The following HACD4 variants were observed in gnomAD, a reference collection of about 807,000 sequenced individuals.
The protein encoded by HACD4 is 3-hydroxyacyl-CoA dehydratase 4.
In HACD4, 35 loss-of-function variants were observed where a neutral mutation model predicts 33.3. The ratio of observed to expected loss-of-function variants is 1.05; its 90% CI spans 0.80 to 1.39. The LOEUF is 1.39. Among genes scored for constraint, HACD4 ranks in the 40% most tolerant of loss-of-function variants. The pLI is 0.00. For synonymous variants in HACD4, 118 were observed against 98.0 expected (o/e 1.20, Z -1.21); for missense variants, 323 against 276.5 (o/e 1.17, Z -1.19).
intron 3 of HACD4, among the ~76,000 whole-genome samples, chr9:21,026,344 C>T (rs1249728214): frequency 1.3e-5 from 2 of 152,218 alleles, no homozygotes; most frequent in Non-Finnish European, 2.9e-5. Context: ...CAAGTGGCTA[C>T]GAAATCTCCT....
At chr9:21,028,362 T>G (rs188350291) in intron 2 of HACD4, among the ~76,000 whole-genome samples, 48 of 152,314 alleles carry the variant, frequency 3.2e-4, no homozygotes, top group Admixed American at 1.2e-3. Context: ...TCCCATCACC[T>G]GTGTTTTCCT....
At chr9:21,019,799 C>A (rs1223826012) in intron 3 of HACD4, among the ~76,000 whole-genome samples, 1 of 152,066 alleles carries the variant, frequency 6.6e-6, no homozygotes, top group African/African-American at 2.4e-5. Flanking sequence ...AGTTTCTTCT[C>A]TAACAATATA....
At chr9:21,020,884 AT>A (rs1417394763) in intron 3 of HACD4, among the ~76,000 whole-genome samples, 4 of 152,232 alleles carry the variant, frequency 2.6e-5, no homozygotes, top group Non-Finnish European at 5.9e-5. Flanking sequence ...CTTTTAGTCA[AT>A]GGGTTTTTTC....
intron 1 of HACD4, 107 bp downstream of exon 1, chr9:21,031,446 G>C (rs1818217288): frequency 1.5e-6 from 2 of 1,347,462 alleles, no homozygotes; most frequent in Non-Finnish European, 1.9e-6. Context: ...GCTGCGCCTT[G>C]CTGGCGGGCG....
intron 4 of HACD4, among the ~76,000 whole-genome samples, chr9:21,014,174 A>C (rs1323809698): frequency 6.6e-6 from 1 of 152,128 alleles, no homozygotes; most frequent in East Asian, 1.9e-4. Context: ...CATTTTACAG[A>C]GGAAAAAAAA....
In HACD4 at chr9:21,002,516, T is replaced by G. The variant is rs931168839; in HGVS notation, c.*4521A>C. On this transcript the variant is annotated 3_prime_UTR_variant, in exon 7 of 7. Coordinates refer to ENST00000495827, the MANE Select transcript of HACD4 (RefSeq NM_001010915.5). Reference sequence around the variant, plus strand: ...GAGGTACTTAGAGCAATCAAAATCATAGAGACAAAAAGTAGACTGGTGGTT... The same window carrying G: ...GAGGTACTTAGAGCAATCAAAATCAGAGAGACAAAAAGTAGACTGGTGGTT... 6.6e-6 allele frequency: 1 copy of G among 152,054 alleles called. No individual in the cohort carries two copies. The highest frequency in any genetic ancestry group is 2.4e-5 in the African/African-American group (1 of 41,412). The allele number at this position is 152,054 out of a possible 1,614,324, so 9.4% of individuals were successfully genotyped here. A position where few individuals can be genotyped will look rare whatever the true frequency, so the allele number is the denominator to read the frequency against.
intron 3 of HACD4, among the ~76,000 whole-genome samples, chr9:21,025,646 A>T (rs1818042695): frequency 6.6e-6 from 1 of 152,190 alleles, no homozygotes; most frequent in African/African-American, 2.4e-5. Flanking sequence ...AATTTACAGA[A>T]AATCTTTATT....
intron 3 of HACD4, among the ~76,000 whole-genome samples, chr9:21,018,807 C>T (rs1302291430): frequency 7.4e-6 from 1 of 134,382 alleles, no homozygotes; most frequent in Non-Finnish European, 1.6e-5. Flanking sequence ...AATAAAAATG[C>T]TGGGCATTTT....
At chr9:21,010,754 C>G (rs980439421) in intron 5 of HACD4, among the ~76,000 whole-genome samples, 2 of 152,038 alleles carry the variant, frequency 1.3e-5, no homozygotes, top group African/African-American at 4.8e-5. Context: ...GAGCCCTGAG[C>G]TTATTTTCCT....
chr9:21,028,090 G>A (rs1311809524), intron 2 of HACD4, among the ~76,000 whole-genome samples: 2 of 133,666 alleles, frequency 1.5e-5, no homozygotes, highest in East Asian at 2.3e-4. Context: ...AGGTGACATC[G>A]TACCATTGCA....
intron 5 of HACD4, among the ~76,000 whole-genome samples, chr9:21,008,828 G>T (rs1842338229): frequency 6.6e-6 from 1 of 152,042 alleles, no homozygotes; most frequent in Admixed American, 6.6e-5. Context: ...TTATCATTAG[G>T]GTAAGCTGGG....
intron 4 of HACD4, 26 bp downstream of exon 4, chr9:21,015,872 T>A: frequency 6.8e-7 from 1 of 1,476,760 alleles, no homozygotes; most frequent in Admixed American, 1.7e-5. Flanking sequence ...TTAGCCTTGT[T>A]TTAAGAGATT....
Position 21,004,814 on chromosome 9 carries a change from A to G in HACD4, c.*2223T>C, listed in dbSNP as rs1474241905. On this transcript the variant is annotated 3_prime_UTR_variant, in exon 7 of 7. Coordinates refer to ENST00000495827, the MANE Select transcript of HACD4 (RefSeq NM_001010915.5). The surrounding 1 kb of genome is among the most constrained non-coding windows in gnomAD (Gnocchi z 4.6). ...GCAGCTTTGACGTTAGGTAACAGAT[A>G]GAAGCTGGAAGAGTTTTGAGGTACT... is the stretch of plus-strand genomic sequence containing the variant. 2.0e-5 allele frequency: 3 copies of G among 150,772 alleles called. No homozygotes were observed. The highest frequency in any genetic ancestry group is 4.8e-5 in the African/African-American group (2 of 41,346). 9.3% of individuals were successfully genotyped at this position (150,772 alleles called of 1,614,324 possible).
intron 3 of HACD4, among the ~76,000 whole-genome samples, chr9:21,025,582 G>C (rs1207297455): frequency 6.6e-6 from 1 of 152,066 alleles, no homozygotes; most frequent in Non-Finnish European, 1.5e-5. Context: ...TGTTCTTATA[G>C]TTGCCTAACC....
In HACD4 at chr9:21,024,065, C is replaced by T. The variant is rs144594727; in HGVS notation, c.270+2531G>A. Reference sequence around the variant, plus strand: ...CATTATTTTAAAGCAGGGGCCTCAGCGCCATCCCATAATGAGGGAATTCTA... The same window carrying T: ...CATTATTTTAAAGCAGGGGCCTCAGTGCCATCCCATAATGAGGGAATTCTA... On this transcript the variant is annotated intron_variant, in intron 3 of 6. Coordinates refer to ENST00000495827, the MANE Select transcript of HACD4 (RefSeq NM_001010915.5). Among the ~76,000 whole-genome samples, 28 of 152,338 alleles carry T rather than the reference C, an allele frequency of 1.8e-4. No individual in the cohort carries two copies. The East Asian group carries it at 3.5e-3, about 19-fold the overall frequency.
rs7019724 is a variant in HACD4 at position 21,016,216 on chromosome 9, T to C, written c.271-206A>G. Among the ~76,000 whole-genome samples the C allele has an allele frequency of 6.3e-3, 966 of 152,298 alleles. 17 individuals are homozygous for C. Among genetic ancestry groups the C allele is most frequent in the African/African-American group, 0.022 (930 of 41,556 alleles). On this transcript the variant is annotated intron_variant, in intron 3 of 6. Transcript: ENST00000495827. The stretch of plus-strand genomic sequence containing the variant: ...TTGTCTATATTTTACAAATAATATA[T>C]AATGAATGAAAAAATGACATATATT...
Position 21,015,991 on chromosome 9 carries a change from A to ATGAT in HACD4, c.286_289dup (p.Ile97AsnfsTer33), listed in dbSNP as rs1354395254. ...TTGACTGGTGATCACCACAAAAAGG[A>ATGAT]TGATTATTCTTTCTGTGAGCTAACA... On this transcript the variant is annotated frameshift_variant, in exon 4 of 7. Transcript: ENST00000495827. LOFTEE classifies it high-confidence loss of function. 1 of 1,612,090 alleles carries ATGAT rather than the reference A, an allele frequency of 6.2e-7. No homozygotes were observed. Among genetic ancestry groups the ATGAT allele is most frequent in the Non-Finnish European group, 8.5e-7 (1 of 1,178,508 alleles).
rs1359321861 is a variant in HACD4 at position 21,006,283 on chromosome 9, T to G, written c.*754A>C. 6.6e-6 allele frequency: 1 copy of G among 152,226 alleles called. No homozygotes were observed. The highest frequency in any genetic ancestry group is 2.4e-5 in the African/African-American group (1 of 41,406). 9.4% of individuals were successfully genotyped at this position (152,226 alleles called of 1,614,324 possible). On this transcript the variant is annotated 3_prime_UTR_variant, in exon 7 of 7. Coordinates refer to ENST00000495827, the MANE Select transcript of HACD4 (RefSeq NM_001010915.5). This position sits in a 1 kb window ranked among gnomAD's most constrained non-coding sequence, Gnocchi z 4.6. ...CTCATGAATGGGGTTAGTGCCATTA[T>G]AAGAGACATAAGAGAGTTGATCTCT...
chr9:21,006,890 T>C lies in HACD4; in HGVS notation c.*147A>G, dbSNP rs1842283373. On this transcript the variant is annotated 3_prime_UTR_variant, in exon 7 of 7. Coordinates refer to ENST00000495827, the MANE Select transcript of HACD4 (RefSeq NM_001010915.5). This position sits in a 1 kb window ranked among gnomAD's most constrained non-coding sequence, Gnocchi z 4.6. ...TGTGAAAAACATAGCCTGTTATGTC[T>C]AGAGTTTTGGGGGTATGTGCAGTTA... The C allele has an allele frequency of 6.0e-6, 4 of 666,776 alleles. No homozygotes were observed. The African/African-American group carries it at 7.3e-5, about 12-fold the overall frequency. The allele number at this position is 666,776 out of a possible 1,614,324, so 41.3% of individuals were successfully genotyped here. A position where few individuals can be genotyped will look rare whatever the true frequency, so the allele number is the denominator to read the frequency against.
Sources: gnomAD v4.1 joint callset for allele counts (sites outside exome capture counted in the v4.1 genomes callset) on GRCh38, gnomAD v4.1.1 for gene constraint, Gnocchi (gnomAD v3.1) non-coding constraint, MANE v1.5 for transcripts, NCBI Gene and HGNC (gene_info 2026-07-23, HGNC 2026-07-21) for gene names.